The following RAF1 variants were observed in gnomAD, a reference collection of about 807,000 sequenced individuals.
RAF1 encodes the protein Raf-1 proto-oncogene, serine/threonine kinase.
In RAF1, 27 loss-of-function variants were observed where a neutral mutation model predicts 81.1. The observed-to-expected ratio is 0.33, with a 90% CI of 0.25 to 0.46. RAF1 has a LOEUF of 0.46. RAF1 is among the 20% of genes least tolerant of loss of function. RAF1 has a pLI of 1.00. For synonymous variants in RAF1, 298 were observed against 294.0 expected (o/e 1.01, Z -0.14); for missense variants, 598 against 826.0 (o/e 0.72, Z 3.38).
chr3:12,608,723 C>T (rs1202557481), intron 5 of RAF1, 43 bp downstream of exon 5: 5 of 1,595,054 alleles, frequency 3.1e-6, no homozygotes, highest in Non-Finnish European at 4.3e-6. Flanking sequence ...AGTATGTATA[C>T]TCCTCATCCC....
intron 1 of RAF1, among the ~76,000 whole-genome samples, chr3:12,623,917 C>T (rs112164814): frequency 6.7e-5 from 10 of 150,078 alleles, no homozygotes; most frequent in Admixed American, 4.0e-4. Flanking sequence ...TGCAGTGGCG[C>T]GATCTTGGCT....
Position 12,584,364 on chromosome 3 carries a change from T to G in RAF1, c.*150A>C. On this transcript the variant is annotated 3_prime_UTR_variant, in exon 18 of 18. Transcript: ENST00000442415. ...CAAAGGGATAGAAAAGAAGGCAACA[T>G]GAAGTTAAGGCCCTGTGAGCAGTCT... The G allele has an allele frequency of 1.0e-6, 1 of 953,430 alleles. No individual in the cohort carries two copies. The highest frequency in any genetic ancestry group is 1.6e-6 in the Non-Finnish European group (1 of 627,716). The allele number at this position is 953,430 out of a possible 1,614,324, so 59.1% of individuals were successfully genotyped here.
At chr3:12,596,723 G>T (rs985270076) in intron 11 of RAF1, among the ~76,000 whole-genome samples, 19 of 152,100 alleles carry the variant, frequency 1.2e-4, no homozygotes, top group Non-Finnish European at 8.8e-5. Context: ...CTGTATACAG[G>T]AACCAGAATA....
rs773032099 is a variant in RAF1 at position 12,590,784 on chromosome 3, G to A, written c.1430+14C>T. 1.9e-6 allele frequency: 3 copies of A among 1,608,258 alleles called. 1 individual carries two copies. The South Asian group carries it at 3.3e-5, about 18-fold the overall frequency. ...ATGCCTGGGTCCCAGAGAGGCATCA[G>A]ACCATCTACTCACTCCATTCCCTGA... On this transcript the variant is annotated intron_variant, in intron 13 of 17. Transcript: ENST00000442415.
chr3:12,591,811 G>A lies in RAF1; in HGVS notation c.1169-19C>T, dbSNP rs1324131979. On this transcript the variant is annotated intron_variant, in intron 11 of 17. Transcript: ENST00000442415. ...ACATCTCCTGCAAAATTAGTTGGCA[G>A]TCAGTGCAATCAGTTGAATGATCTC... The A allele has an allele frequency of 1.3e-6, 2 of 1,579,214 alleles. No homozygotes were observed. Among genetic ancestry groups the A allele is most frequent in the South Asian group, 2.2e-5 (2 of 90,366 alleles).
In RAF1 at chr3:12,632,249, G is replaced by A. The variant is rs184981491; in HGVS notation, c.-26-13502C>T. 1.7e-3 allele frequency among the ~76,000 whole-genome samples: 251 copies of A among 150,808 alleles called. 1 individual carries two copies. Among genetic ancestry groups the A allele is most frequent in the African/African-American group, 5.8e-3 (239 of 41,226 alleles). On this transcript the variant is annotated intron_variant, in intron 1 of 17. Coordinates refer to ENST00000442415, the MANE Select transcript of RAF1 (RefSeq NM_001354689.3). ...TGAGGCAGGTGAATTGTTTGAACCC[G>A]GGAGGCAGAGGTTGCAGTGAGCCGA...
chr3:12,606,693 A>G (rs1304362792), intron 5 of RAF1, among the ~76,000 whole-genome samples: 1 of 151,692 alleles, frequency 6.6e-6, no homozygotes, highest in Non-Finnish European at 1.5e-5. Flanking sequence ...CACCATGCCC[A>G]GCTAATTTTC....
chr3:12,611,721 G>A (rs1241954403), intron 3 of RAF1, among the ~76,000 whole-genome samples: 1 of 152,058 alleles, frequency 6.6e-6, no homozygotes, highest in Non-Finnish European at 1.5e-5. Flanking sequence ...AAAATTACAG[G>A]TATTGGTCAT....
At chr3:12,656,997 CG>C (rs534448766) in intron 1 of RAF1, among the ~76,000 whole-genome samples, 4,058 of 117,936 alleles carry the variant, frequency 0.034, 82 homozygotes, top group Non-Finnish European at 0.047. Context: ...AACTCCATCT[CG>C]GGGAAAAAAA....
chr3:12,643,460 G>A (rs1237129142), intron 1 of RAF1, among the ~76,000 whole-genome samples: 2 of 152,154 alleles, frequency 1.3e-5, no homozygotes, highest in Non-Finnish European at 2.9e-5. Flanking sequence ...TTAAAAAGAA[G>A]CCGGGTGCAG....
chr3:12,654,147 T>C (rs951473593), intron 1 of RAF1, among the ~76,000 whole-genome samples: 1 of 137,610 alleles, frequency 7.3e-6, no homozygotes, highest in Non-Finnish European at 1.5e-5. Context: ...GCATACCACA[T>C]GCCTGACTAG....
At chr3:12,618,474 C>T in intron 2 of RAF1, 41 bp downstream of exon 2, 1 of 1,595,530 alleles carries the variant, frequency 6.3e-7, no homozygotes, top group South Asian at 1.1e-5. Context: ...GCTCCACAGG[C>T]AGATAAATAG....
intron 1 of RAF1, among the ~76,000 whole-genome samples, chr3:12,635,731 T>C (rs2060005090): frequency 6.7e-6 from 1 of 150,220 alleles, no homozygotes. Context: ...CCCAGCACTT[T>C]GGGAGGCCAA....
intron 6 of RAF1, 29 bp downstream of exon 6, chr3:12,606,172 T>C: frequency 6.4e-7 from 1 of 1,561,986 alleles, no homozygotes. Context: ...AATAACTTTC[T>C]AAAAGAAAAG....
intron 1 of RAF1, among the ~76,000 whole-genome samples, chr3:12,643,736 CA>C (rs11328513): frequency 0.26 from 36,802 of 142,050 alleles, 5,262 homozygotes; most frequent in African/African-American, 0.42. Flanking sequence ...AACTCTGTCT[CA>C]AAAAAAAAAA....
At chr3:12,587,962 C>CTTTTTTTTTT (rs33981119) in intron 13 of RAF1, 9 of 62,548 alleles carry the variant, frequency 1.4e-4, no homozygotes, top group African/African-American at 6.8e-4. Context: ...ACCATGCCGC[C>CTTTTTTTTTT]TTTTTTTTTT....
Position 12,585,055 on chromosome 3 carries a change from C to T in RAF1, c.1728+67G>A, listed in dbSNP as rs963085237. On this transcript the variant is annotated intron_variant, in intron 16 of 17. Coordinates refer to ENST00000442415, the MANE Select transcript of RAF1 (RefSeq NM_001354689.3). ...ATAATAACAAGTCCTAACCCTCTAG[C>T]TGCTTAGGCTGGCGGAGGCCCAGGG... The T allele has an allele frequency of 3.7e-6, 6 of 1,613,896 alleles. No individual in the cohort carries two copies. The African/African-American group carries it at 6.7e-5, about 18-fold the overall frequency.
rs748775135 is a variant in RAF1, at chr3:12,584,578, G to C, written c.1943C>G (p.Ala648Gly). Residue 648 changes from alanine (A) to glycine (G), a missense_variant, in exon 18 of 18, where the codon GCA becomes GGA. This residue lies in a region of RAF1 where 147 missense variants were observed against 196.1 expected (regional missense o/e 0.75). Coordinates refer to ENST00000442415, the MANE Select transcript of RAF1 (RefSeq NM_001354689.3). ...AGCATTGATATCCTCAGTGTGGGCT[G>C]CCCGATGCAAGGATGGCTCGGAAGC... 6.2e-7 allele frequency: 1 copy of C among 1,614,162 alleles called. No homozygotes were observed. Among genetic ancestry groups the C allele is most frequent in the Non-Finnish European group, 8.5e-7 (1 of 1,180,030 alleles).
chr3:12,618,816 G>T, intron 1 of RAF1, 69 bp from the exon 2 acceptor site: 1 of 1,214,168 alleles, frequency 8.2e-7, no homozygotes, highest in Non-Finnish European at 1.2e-6. Flanking sequence ...AATACATAAA[G>T]AGTAATTATG....
Sources: gnomAD v4.1 joint callset for allele counts (sites outside exome capture counted in the v4.1 genomes callset) on GRCh38, gnomAD v4.1.1 for gene constraint, gnomAD v4.1.1 regional missense constraint, MANE v1.5 for transcripts, NCBI Gene and HGNC (gene_info 2026-07-23, HGNC 2026-07-21) for gene names.